Variants in COL8A1 observed in about 807,000 individuals in gnomAD.
The protein encoded by COL8A1 is collagen type VIII alpha 1 chain, also known as collagen alpha-1(VIII) chain.
A neutral mutation model predicts 42.7 loss-of-function variants in COL8A1; 21 were observed. The ratio of observed to expected loss-of-function variants is 0.49; its 90% confidence interval spans 0.35 to 0.71. The LOEUF is 0.71. Among genes scored for constraint, COL8A1 ranks in the 30% least tolerant of loss-of-function variants. The probability of loss-of-function intolerance (pLI) is 0.01; values close to 1 mark genes in which losing one functional copy is unlikely to be tolerated. For synonymous variants in COL8A1, 367 were observed against 369.1 expected (o/e 0.99, Z 0.06); for missense variants, 788 against 962.4 (o/e 0.82, Z 2.40).
intron 1 of COL8A1, among the ~76,000 whole-genome samples, chr3:99,669,509 G>C (rs1006881861): frequency 6.6e-6 from 1 of 151,968 alleles, no homozygotes. Context: ...AATTATGTTT[G>C]CTTAGAATCA....
intron 1 of COL8A1, among the ~76,000 whole-genome samples, chr3:99,645,054 A>G (rs1937617477): frequency 6.6e-6 from 1 of 152,222 alleles, no homozygotes; most frequent in African/African-American, 2.4e-5. Context: ...AGCTGACCGA[A>G]GAGCACTGTG....
intron 2 of COL8A1, among the ~76,000 whole-genome samples, chr3:99,787,815 A>G (rs775489036): frequency 2.0e-5 from 3 of 152,008 alleles, no homozygotes; most frequent in Non-Finnish European, 4.4e-5. Flanking sequence ...CAAAGATTCA[A>G]TGTTCACACA....
At chr3:99,735,957 C>G (rs1212353703) in intron 1 of COL8A1, among the ~76,000 whole-genome samples, 5 of 151,920 alleles carry the variant, frequency 3.3e-5, no homozygotes, top group Middle Eastern at 3.2e-3. Context: ...TTGTAGTATT[C>G]TCTGATGGTA....
At chr3:99,697,719 T>C (rs1939421435) in intron 1 of COL8A1, among the ~76,000 whole-genome samples, 1 of 152,252 alleles carries the variant, frequency 6.6e-6, no homozygotes, top group Non-Finnish European at 1.5e-5. Context: ...GCTTACATCT[T>C]GGAAGACCAA....
intron 1 of COL8A1, among the ~76,000 whole-genome samples, chr3:99,741,828 T>C (rs550526345): frequency 5.9e-5 from 9 of 152,316 alleles, no homozygotes; most frequent in South Asian, 2.1e-4. Context: ...CTGTGCTCAA[T>C]TGGTCAGTTC....
chr3:99,755,131 A>T (rs1460111092), intron 2 of COL8A1, among the ~76,000 whole-genome samples: 1 of 152,222 alleles, frequency 6.6e-6, no homozygotes, highest in Non-Finnish European at 1.5e-5. Context: ...AGAAATAAAG[A>T]TATTGACACA....
At chr3:99,711,176 C>G (rs1939823784) in intron 1 of COL8A1, among the ~76,000 whole-genome samples, 1 of 152,074 alleles carries the variant, frequency 6.6e-6, no homozygotes, top group African/African-American at 2.4e-5. Flanking sequence ...ACCTCATTAC[C>G]TCACATATGA....
At chr3:99,757,018 A>G (rs1337291747) in intron 2 of COL8A1, among the ~76,000 whole-genome samples, 1 of 152,214 alleles carries the variant, frequency 6.6e-6, no homozygotes, top group East Asian at 1.9e-4. Context: ...GATGAAGAAG[A>G]AACGAAATTC....
chr3:99,705,668 A>G (rs1449312738), intron 1 of COL8A1, among the ~76,000 whole-genome samples: 2 of 152,174 alleles, frequency 1.3e-5, no homozygotes, highest in Non-Finnish European at 2.9e-5. Flanking sequence ...AGTCAGCACA[A>G]AAAGACAATG....
intron 1 of COL8A1, among the ~76,000 whole-genome samples, chr3:99,729,671 G>A (rs998820567): frequency 6.6e-6 from 1 of 151,912 alleles, no homozygotes; most frequent in Non-Finnish European, 1.5e-5. Flanking sequence ...AGAGTTTTAT[G>A]AGACTCTACA....
chr3:99,696,033 C>T lies in COL8A1; in HGVS notation c.-128-48864C>T, dbSNP rs112922028. 2.0e-5 allele frequency among the ~76,000 whole-genome samples: 3 copies of T among 152,310 alleles called. 1 individual carries two copies. Among genetic ancestry groups the T allele is most frequent in the African/African-American group, 7.2e-5 (3 of 41,560 alleles). On this transcript the variant is annotated intron_variant, in intron 1 of 3. Transcript: ENST00000652472. ...CCTGTAATCCCAGCTACTCAGGAGG[C>T]TGAGGCAGGAGAATTGCTTGAAGCC...
intron 2 of COL8A1, among the ~76,000 whole-genome samples, chr3:99,773,203 G>A (rs1053907682): frequency 9.8e-5 from 15 of 152,304 alleles, no homozygotes; most frequent in Admixed American, 2.6e-4. Flanking sequence ...TTAGTAGAGC[G>A]TAATAGTGTT....
Position 99,747,592 on chromosome 3 carries a change from C to G in COL8A1, c.-4+2571C>G, listed in dbSNP as rs541157282. On this transcript the variant is annotated intron_variant, in intron 2 of 3. Coordinates refer to ENST00000652472, the MANE Select transcript of COL8A1 (RefSeq NM_020351.4). ...TAAATAGAGTGGGGAAACCACAGTT[C>G]ATTTTAAAAGTTGTTTGAAACTTTG... is the stretch of plus-strand genomic sequence containing the variant. Among the ~76,000 whole-genome samples the G allele has an allele frequency of 1.3e-4, 20 of 152,278 alleles. No individual in the cohort carries two copies. In the South Asian group the frequency reaches 3.5e-3, roughly 27 times the overall value.
At chr3:99,758,739 A>C (rs977689498) in intron 2 of COL8A1, among the ~76,000 whole-genome samples, 1 of 152,170 alleles carries the variant, frequency 6.6e-6, no homozygotes, top group Non-Finnish European at 1.5e-5. Flanking sequence ...ACATTGAGAA[A>C]TACTTCACTG....
intron 1 of COL8A1, among the ~76,000 whole-genome samples, chr3:99,699,167 A>G (rs758021769): frequency 7.2e-5 from 11 of 152,178 alleles, no homozygotes; most frequent in Non-Finnish European, 1.6e-4. Flanking sequence ...TCCAAACTCT[A>G]CAGCCACTTC....
At chr3:99,722,333 CT>C (rs1226804680) in intron 1 of COL8A1, among the ~76,000 whole-genome samples, 1 of 152,028 alleles carries the variant, frequency 6.6e-6, no homozygotes, top group African/African-American at 2.4e-5. Flanking sequence ...TATCAATGGC[CT>C]TGCAAAGACA....
At chr3:99,694,085 G>A (rs555458811) in intron 1 of COL8A1, among the ~76,000 whole-genome samples, 1 of 152,266 alleles carries the variant, frequency 6.6e-6, no homozygotes, top group South Asian at 2.1e-4. Context: ...TACGATCTAG[G>A]CTTGTGTAAG....
intron 1 of COL8A1, among the ~76,000 whole-genome samples, chr3:99,728,613 G>A (rs7632327): frequency 0.22 from 33,111 of 151,882 alleles, 4,228 homozygotes; most frequent in African/African-American, 0.34. Context: ...TAGTCACCCA[G>A]TGAATTTCTT....
chr3:99,718,326 T>G (rs1017299837), intron 1 of COL8A1, among the ~76,000 whole-genome samples: 4 of 152,012 alleles, frequency 2.6e-5, no homozygotes, highest in Non-Finnish European at 4.4e-5. Flanking sequence ...ATGAATGAGC[T>G]CAGAGTAGGT....
Sources: allele counts gnomAD v4.1 joint callset (sites outside exome capture counted in the v4.1 genomes callset), GRCh38; gene constraint gnomAD v4.1.1; transcripts MANE v1.5; gene names NCBI Gene and HGNC (gene_info 2026-07-23, HGNC 2026-07-21).